The following ASIC1 variants were observed in gnomAD, a reference collection of about 807,000 sequenced individuals.
ASIC1 encodes acid sensing ion channel subunit 1, also known as acid-sensing ion channel 1.
A neutral mutation model predicts 63.4 loss-of-function variants in ASIC1; 21 were observed. The ratio of observed to expected loss-of-function variants is 0.33; its 90% CI spans 0.23 to 0.48. The LOEUF (loss-of-function observed/expected upper bound fraction) is 0.48, where lower values mean the gene tolerates loss of function less well. Among genes scored for constraint, ASIC1 ranks in the 20% least tolerant of loss-of-function variants. The pLI is 0.99. For synonymous variants in ASIC1, 258 were observed against 278.2 expected (o/e 0.93, Z 0.72); for missense variants, 478 against 695.5 (o/e 0.69, Z 3.52).
chr12:50,058,801 G>T lies in ASIC1; in HGVS notation c.35G>T (p.Gly12Val), dbSNP rs562333224. The change falls in exon 2 of 12, where the codon GGC (glycine) becomes GTC (valine). Residue 12 changes from glycine (G) to valine (V), a missense_variant. By Grantham distance (109) the Gly-to-Val change is moderately radical. Coordinates refer to ENST00000447966, the MANE Select transcript of ASIC1 (RefSeq NM_001095.4). ...AAGGCCGAGGAGGAGGAGGTGGGTG[G>T]CGTCCAGCCGGTGAGCATCCAGGCC... ...ELKAEEEEVGGVQPVSIQAFA... is the reference protein window; with the variant it reads ...ELKAEEEEVGVVQPVSIQAFA... 1.9e-6 allele frequency: 3 copies of T among 1,596,828 alleles called. No individual in the cohort carries two copies. The African/African-American group carries it at 4.0e-5, about 21-fold the overall frequency.
In ASIC1 at chr12:50,080,868, T is replaced by C. The variant is rs995644598; in HGVS notation, c.1298-234T>C. 1.4e-5 allele frequency: 12 copies of C among 861,762 alleles called. No individual in the cohort carries two copies. In the African/African-American group the frequency reaches 2.1e-4, roughly 15 times the overall value. 53.4% of individuals were successfully genotyped at this position (861,762 alleles called of 1,614,324 possible). A position where few individuals can be genotyped will look rare whatever the true frequency, so the allele number is the denominator to read the frequency against. The stretch of plus-strand genomic sequence containing the variant: ...CCCCTAAACTAAGAGGGTTGTGGTA[T>C]TTTGTAAACGATTATTTTTCTTGAA... On this transcript the variant is annotated intron_variant, in intron 9 of 11. Transcript: ENST00000447966.
At position 50,078,156 on chromosome 12, in the gene ASIC1, G is replaced by C; in HGVS notation, c.837+29G>C. ...AGAGGGCCATGGGAGGCTGGTCCTG[G>C]GGTGGGGTATTGAGGGGTCCAGATG... On this transcript the variant is annotated intron_variant, in intron 5 of 11. Transcript: ENST00000447966. This position sits in a 1 kb window ranked among gnomAD's most constrained non-coding sequence, Gnocchi z 6.0. The C allele has an allele frequency of 1.9e-6, 3 of 1,604,352 alleles. No homozygotes were observed. Among genetic ancestry groups the C allele is most frequent in the East Asian group, 4.5e-5 (2 of 44,864 alleles).
intron 8 of ASIC1, 179 bp from the exon 9 acceptor site, chr12:50,080,319 A>G: frequency 1.3e-6 from 1 of 781,162 alleles, no homozygotes; most frequent in South Asian, 1.6e-5. Flanking sequence ...CATATGGTAC[A>G]GAACATTTTT....
chr12:50,058,660 A>C, intron 1 of ASIC1, 91 bp from the exon 2 acceptor site: 1 of 1,459,172 alleles, frequency 6.9e-7, no homozygotes, highest in Non-Finnish European at 9.1e-7. Context: ...TGACCTCTGG[A>C]GATGAGGATT....
At chr12:50,077,973 C>A (rs1297666118) in intron 4 of ASIC1, 27 bp from the exon 5 acceptor site, 4 of 1,593,952 alleles carry the variant, frequency 2.5e-6, no homozygotes, top group Non-Finnish European at 8.6e-7. Context: ...GGAGCCCTCC[C>A]AACCCACACA....
chr12:50,061,519 A>G (rs1308160967), intron 3 of ASIC1, among the ~76,000 whole-genome samples: 1 of 152,224 alleles, frequency 6.6e-6, no homozygotes, highest in Admixed American at 6.5e-5. Flanking sequence ...TCCCAAGAGT[A>G]ACAGGACTGT....
In ASIC1 at chr12:50,078,666, C is replaced by G; in HGVS notation, c.994+89C>G. 6.4e-7 allele frequency: 1 copy of G among 1,560,594 alleles called. No homozygotes were observed. Among genetic ancestry groups the G allele is most frequent in the Non-Finnish European group, 8.7e-7 (1 of 1,145,842 alleles). ...CCCCATCCATATCAATCTCCCAACC[C>G]CAGTTCCAGCCCACCCCATCCCACA... On this transcript the variant is annotated intron_variant, in intron 6 of 11. Coordinates refer to ENST00000447966, the MANE Select transcript of ASIC1 (RefSeq NM_001095.4). The surrounding 1 kb of genome is among the most constrained non-coding windows in gnomAD (Gnocchi z 6.0).
Position 50,081,837 on chromosome 12 carries a change from A to G in ASIC1, c.*188A>G, listed in dbSNP as rs980375933. On this transcript the variant is annotated 3_prime_UTR_variant, in exon 12 of 12. Coordinates refer to ENST00000447966, the MANE Select transcript of ASIC1 (RefSeq NM_001095.4). ...TCTGCCTCTATCCCATTCTTTTTAC[A>G]TTTAACAAAACTAATCTAAAAAAGA... The G allele has an allele frequency of 1.7e-6, 1 of 596,214 alleles. No individual in the cohort carries two copies. Among genetic ancestry groups the G allele is most frequent in the Non-Finnish European group, 2.9e-6 (1 of 339,924 alleles). The allele number at this position is 596,214 out of a possible 1,614,324, so 36.9% of individuals were successfully genotyped here. A position where few individuals can be genotyped will look rare whatever the true frequency, so the allele number is the denominator to read the frequency against.
At chr12:50,065,422 A>C (rs1950537127) in intron 3 of ASIC1, among the ~76,000 whole-genome samples, 1 of 152,144 alleles carries the variant, frequency 6.6e-6, no homozygotes, top group South Asian at 2.1e-4. Flanking sequence ...TTCTAAGCCC[A>C]ATCTCCTGTA....
At chr12:50,065,757 C>T (rs1410481023) in intron 3 of ASIC1, among the ~76,000 whole-genome samples, 1 of 152,230 alleles carries the variant, frequency 6.6e-6, no homozygotes, top group Non-Finnish European at 1.5e-5. Context: ...CACCCTTCTG[C>T]ATGCCCTCTG....
chr12:50,082,256 A>AC lies in ASIC1; in HGVS notation c.*608dup, dbSNP rs1950728550. The stretch of plus-strand genomic sequence containing the variant: ...ATCCCCTTAAGAAGTGGTAATGGGG[A>AC]CAAGATGCGGCCCTGGTGCTGTAGG... On this transcript the variant is annotated 3_prime_UTR_variant, in exon 12 of 12. Transcript: ENST00000447966. 6.5e-6 allele frequency: 1 copy of AC among 153,520 alleles called. No individual in the cohort carries two copies. Among genetic ancestry groups the AC allele is most frequent in the Admixed American group, 6.5e-5 (1 of 15,352 alleles). 9.5% of individuals were successfully genotyped at this position (153,520 alleles called of 1,614,324 possible). A position where few individuals can be genotyped will look rare whatever the true frequency, so the allele number is the denominator to read the frequency against.
In ASIC1 at chr12:50,082,049, GA is replaced by G. The variant is rs1337235794; in HGVS notation, c.*402del. 5.1e-6 allele frequency: 1 copy of G among 195,992 alleles called. No homozygotes were observed. Among genetic ancestry groups the G allele is most frequent in the Non-Finnish European group, 1.0e-5 (1 of 95,948 alleles). 12.1% of individuals were successfully genotyped at this position (195,992 alleles called of 1,614,324 possible). A position where few individuals can be genotyped will look rare whatever the true frequency, so the allele number is the denominator to read the frequency against. On this transcript the variant is annotated 3_prime_UTR_variant, in exon 12 of 12. Coordinates refer to ENST00000447966, the MANE Select transcript of ASIC1 (RefSeq NM_001095.4). ...GGGTGGAAGGGATCTCTGGGGTCTG[GA>G]ATTTGGCCCCAAACCAGAGAATGTA...
At chr12:50,063,439 C>G (rs1310634121) in intron 3 of ASIC1, among the ~76,000 whole-genome samples, 1 of 152,138 alleles carries the variant, frequency 6.6e-6, no homozygotes, top group Non-Finnish European at 1.5e-5. Flanking sequence ...GAGAGAGAAG[C>G]AGGAATTCAT....
chr12:50,077,257 A>C lies in ASIC1; in HGVS notation c.603A>C (p.Arg201=). The C allele has an allele frequency of 1.2e-6, 2 of 1,613,826 alleles. No homozygotes were observed. The highest frequency in any genetic ancestry group is 1.7e-6 in the Non-Finnish European group (2 of 1,179,892). Residue 201 remains arginine (R), a synonymous_variant, in exon 4 of 12, where the codon CGA becomes CGC. Transcript: ENST00000447966. ...YGKCYTFNSG[R]DGRPRLKTMK... Reference sequence around the variant, plus strand: ...AGTGCTACACGTTCAACTCGGGCCGAGATGGGCGGCCGCGGCTGAAGACCA... The same window carrying C: ...AGTGCTACACGTTCAACTCGGGCCGCGATGGGCGGCCGCGGCTGAAGACCA...
At position 50,074,005 on chromosome 12, in the gene ASIC1, A is replaced by C. The variant is rs567208620; in HGVS notation, c.559-3208A>C. The C allele has an allele frequency of 1.8e-5, 27 of 1,535,436 alleles. 1 individual carries two copies. In the South Asian group the frequency reaches 2.6e-4, roughly 15 times the overall value. On this transcript the variant is annotated intron_variant, in intron 3 of 11. Coordinates refer to ENST00000447966, the MANE Select transcript of ASIC1 (RefSeq NM_001095.4). The surrounding 1 kb of genome is among the most constrained non-coding windows in gnomAD (Gnocchi z 4.2). ...CTTCCCGGCAGTCACCCTCTGCAAC[A>C]CTAATGCTGTGCGGCTGTCCCAGCT...
At chr12:50,070,037 T>C (rs946091443) in intron 3 of ASIC1, among the ~76,000 whole-genome samples, 5 of 151,894 alleles carry the variant, frequency 3.3e-5, no homozygotes, top group Admixed American at 2.0e-4. Flanking sequence ...TTGAAAACCA[T>C]GAAGCATTAC....
At position 50,081,724 on chromosome 12, in the gene ASIC1, A is replaced by G; in HGVS notation, c.*75A>G. Reference sequence around the variant, plus strand: ...CGAGGGGGCCCCCAGCTGCCTCCTCACATCTGCCCTGGGGACTCCCCACAC... The same window carrying G: ...CGAGGGGGCCCCCAGCTGCCTCCTCGCATCTGCCCTGGGGACTCCCCACAC... On this transcript the variant is annotated 3_prime_UTR_variant, in exon 12 of 12. Transcript: ENST00000447966. The G allele has an allele frequency of 2.2e-6, 3 of 1,368,366 alleles. No individual in the cohort carries two copies. In the South Asian group the frequency reaches 3.7e-5, roughly 17 times the overall value. The allele number at this position is 1,368,366 out of a possible 1,614,324, so 84.8% of individuals were successfully genotyped here. A position where few individuals can be genotyped will look rare whatever the true frequency, so the allele number is the denominator to read the frequency against.
rs1360474153 is a variant in ASIC1 at position 50,073,818 on chromosome 12, C to T, written c.559-3395C>T. 15 of 1,532,796 alleles carry T rather than the reference C, an allele frequency of 9.8e-6. No individual in the cohort carries two copies. The Admixed American group carries it at 2.9e-4, about 30-fold the overall frequency. 94.9% of individuals were successfully genotyped at this position (1,532,796 alleles called of 1,614,324 possible). A position where few individuals can be genotyped will look rare whatever the true frequency, so the allele number is the denominator to read the frequency against. On this transcript the variant is annotated intron_variant, in intron 3 of 11. Transcript: ENST00000447966. ...GCTGCACCCTCCATGGCACCAACCA[C>T]ATTTTTGTGGAGGGGGGTCCAGGGC...
Position 50,074,906 on chromosome 12 carries a change from G to C in ASIC1, c.559-2307G>C, listed in dbSNP as rs949965796. On this transcript the variant is annotated intron_variant, in intron 3 of 11. Coordinates refer to ENST00000447966, the MANE Select transcript of ASIC1 (RefSeq NM_001095.4). The surrounding 1 kb of genome is among the most constrained non-coding windows in gnomAD (Gnocchi z 4.2). ...TGTGTGTGTGTGTGTGTGTGTGTGT[G>C]TCTGAGGGTAAATAACAGGTCTCTA... Among the ~76,000 whole-genome samples the C allele has an allele frequency of 3.7e-5, 5 of 135,012 alleles. No individual in the cohort carries two copies. Among genetic ancestry groups the C allele is most frequent in the South Asian group, 2.4e-4 (1 of 4,132 alleles). 88.6% of individuals were successfully genotyped at this position (135,012 alleles called of 152,430 possible).
Sources: allele counts gnomAD v4.1 joint callset (sites outside exome capture counted in the v4.1 genomes callset), GRCh38; gene constraint gnomAD v4.1.1; non-coding constraint Gnocchi (gnomAD v3.1); transcripts MANE v1.5; gene names NCBI Gene and HGNC (gene_info 2026-07-23, HGNC 2026-07-21).